NPHP4: variants seen among roughly 807,000 people sequenced by gnomAD.
The protein encoded by NPHP4 is nephrocystin 4, also known as nephrocystin-4.
Under a neutral mutation model 155.8 loss-of-function variants are expected in NPHP4, and 151 were observed. The ratio of observed to expected loss-of-function variants is 0.97; its 90% confidence interval spans 0.85 to 1.11. The LOEUF (loss-of-function observed/expected upper bound fraction) is 1.11, where lower values mean the gene tolerates loss of function less well. Ranked by LOEUF, NPHP4 falls within the 50% of genes least tolerant of loss-of-function variation. The pLI, the probability that NPHP4 is intolerant of heterozygous loss-of-function variation, is 0.00. For missense variants in NPHP4, 1,956 were observed against 1,925.7 expected (o/e 1.02, Z -0.29); for synonymous variants, 845 against 816.8 (o/e 1.03, Z -0.59).
rs939771944 is a variant in NPHP4, at chr1:5,882,352, C to T, written c.2486-2113G>A. The T allele has an allele frequency of 6.7e-6, 1 of 149,798 alleles. No homozygotes were observed. The highest frequency in any genetic ancestry group is 2.4e-5 in the African/African-American group (1 of 40,922). 9.3% of individuals were successfully genotyped at this position (149,798 alleles called of 1,614,324 possible). ...CGCTTACCCAGCCATCTCTCAGTGA[C>T]GCGCTTACCCAGCCATCTCTCAGTG... is the stretch of plus-strand genomic sequence containing the variant. On this transcript the variant is annotated intron_variant, in intron 18 of 29. Coordinates refer to ENST00000378156, the MANE Select transcript of NPHP4 (RefSeq NM_015102.5). This position sits in a 1 kb window ranked among gnomAD's most constrained non-coding sequence, Gnocchi z 5.1.
intron 9 of NPHP4, among the ~76,000 whole-genome samples, chr1:5,934,530 C>A (rs1557771596): frequency 2.0e-5 from 3 of 152,170 alleles, no homozygotes; most frequent in Non-Finnish European, 4.4e-5. Context: ...GCTCCACTTG[C>A]TACGGCTTCC....
At chr1:5,927,890 C>G (rs939718361) in intron 10 of NPHP4, 103 bp from the exon 11 acceptor site, 2 of 1,262,288 alleles carry the variant, frequency 1.6e-6, no homozygotes, top group African/African-American at 3.0e-5. Flanking sequence ...ACAAAGTCTA[C>G]GTGAAATCAG....
intron 19 of NPHP4, among the ~76,000 whole-genome samples, chr1:5,878,582 T>G (rs1047885714): frequency 6.6e-6 from 1 of 152,216 alleles, no homozygotes; most frequent in Non-Finnish European, 1.5e-5. Context: ...CTTCTTAAAA[T>G]TTCGTGCAAC....
rs1640812343 is a variant in NPHP4, at chr1:5,863,176, CAG to C, written c.*87_*88del. On this transcript the variant is annotated 3_prime_UTR_variant, in exon 30 of 30. Coordinates refer to ENST00000378156, the MANE Select transcript of NPHP4 (RefSeq NM_015102.5). ...AGGTGGGCACTGAAGTGAAAGGCTG[CAG>C]AGAGGCGGGGAGGACAGCCTGCAGG... 7.0e-7 allele frequency: 1 copy of C among 1,430,754 alleles called. No homozygotes were observed. The highest frequency in any genetic ancestry group is 2.3e-5 in the East Asian group (1 of 43,968). 88.6% of individuals were successfully genotyped at this position (1,430,754 alleles called of 1,614,324 possible).
chr1:5,888,674 G>T, intron 17 of NPHP4: 1 of 1,226,082 alleles, frequency 8.2e-7, no homozygotes, highest in Non-Finnish European at 1.1e-6. Flanking sequence ...AAGGAAATGC[G>T]AATGAAAACA....
At chr1:5,982,873 C>G (rs1410249102) in intron 2 of NPHP4, among the ~76,000 whole-genome samples, 1 of 152,144 alleles carries the variant, frequency 6.6e-6, no homozygotes, top group Non-Finnish European at 1.5e-5. Context: ...GCACAGTAGT[C>G]GATAAACATA....
At chr1:5,982,961 A>G (rs1654945275) in intron 2 of NPHP4, among the ~76,000 whole-genome samples, 1 of 152,214 alleles carries the variant, frequency 6.6e-6, no homozygotes. Flanking sequence ...TGACTGTTCC[A>G]TATGAACTTG....
Position 5,910,659 on chromosome 1 carries a change from G to A in NPHP4, c.1442-1446C>T, listed in dbSNP as rs1570394251. On this transcript the variant is annotated intron_variant, in intron 11 of 29. Coordinates refer to ENST00000378156, the MANE Select transcript of NPHP4 (RefSeq NM_015102.5). The surrounding 1 kb of genome is among the most constrained non-coding windows in gnomAD (Gnocchi z 5.4). ...AGACTGCTCAGCCACTTCGTGTTCC[G>A]CTCTGAATCCCAAAAAAACAAAAAC... 2.0e-5 allele frequency among the ~76,000 whole-genome samples: 3 copies of A among 152,146 alleles called. No homozygotes were observed. The highest frequency in any genetic ancestry group is 4.4e-5 in the Non-Finnish European group (3 of 68,028).
rs17028863 is a variant in NPHP4 at position 5,892,109 on chromosome 1, G to A, written c.2144-1081C>T. On this transcript the variant is annotated intron_variant, in intron 16 of 29. Coordinates refer to ENST00000378156, the MANE Select transcript of NPHP4 (RefSeq NM_015102.5). The surrounding 1 kb of genome is among the most constrained non-coding windows in gnomAD (Gnocchi z 4.5). The stretch of plus-strand genomic sequence containing the variant: ...AGGAGGAGCTGGTGATTAACATCAC[G>A]CAAGGGCAGGCATGTCCCCAGTGTG... Among the ~76,000 whole-genome samples the A allele has an allele frequency of 0.011, 1,717 of 152,286 alleles. 29 individuals carry two copies. Among genetic ancestry groups the A allele is most frequent in the African/African-American group, 0.039 (1,636 of 41,564 alleles).
chr1:5,965,335 G>C (rs1030649592), intron 5 of NPHP4, among the ~76,000 whole-genome samples: 1 of 152,064 alleles, frequency 6.6e-6, no homozygotes, highest in East Asian at 1.9e-4. Context: ...CCCGCAGCAG[G>C]TTCCTCCTCA....
Position 5,944,778 on chromosome 1 carries a change from TG to T in NPHP4, c.1119+2325del, listed in dbSNP as rs1647001027. Among the ~76,000 whole-genome samples the T allele has an allele frequency of 6.6e-6, 1 of 152,162 alleles. No individual in the cohort carries two copies. Among genetic ancestry groups the T allele is most frequent in the Admixed American group, 6.5e-5 (1 of 15,282 alleles). On this transcript the variant is annotated intron_variant, in intron 9 of 29. Coordinates refer to ENST00000378156, the MANE Select transcript of NPHP4 (RefSeq NM_015102.5). This position sits in a 1 kb window ranked among gnomAD's most constrained non-coding sequence, Gnocchi z 4.3. ...TGAGGTCAGAAGTCTGAGACCTGCC[TG>T]GCCAACGTGGGAAAACCCCGTCTCT...
rs1251410799 is a variant in NPHP4 at position 5,952,692 on chromosome 1, C to A, written c.810+8G>T. ...ACCCTGCCCCCCATCACGCTTCTGA[C>A]TCCACACCTCCTGGAAGTGGTCCTG... On this transcript the variant is annotated splice_region_variant and intron_variant, in intron 7 of 29. Coordinates refer to ENST00000378156, the MANE Select transcript of NPHP4 (RefSeq NM_015102.5). The A allele has an allele frequency of 2.6e-6, 4 of 1,539,238 alleles. No individual in the cohort carries two copies. The highest frequency in any genetic ancestry group is 3.5e-6 in the Non-Finnish European group (4 of 1,139,792).
intron 7 of NPHP4, among the ~76,000 whole-genome samples, chr1:5,950,058 G>A (rs889405735): frequency 2.6e-5 from 4 of 152,116 alleles, no homozygotes; most frequent in Admixed American, 6.5e-5. Context: ...TCTCATGGAG[G>A]CAGATGTTTA....
rs770000513 is a variant in NPHP4, at chr1:5,890,037, C to T, written c.2304+831G>A. Among the ~76,000 whole-genome samples, 16 of 152,020 alleles carry T rather than the reference C, an allele frequency of 1.1e-4. No individual in the cohort carries two copies. Among genetic ancestry groups the T allele is most frequent in the Non-Finnish European group, 2.1e-4 (14 of 68,010 alleles). On this transcript the variant is annotated intron_variant, in intron 17 of 29. Transcript: ENST00000378156. This position sits in a 1 kb window ranked among gnomAD's most constrained non-coding sequence, Gnocchi z 4.9. ...CCATCCCCCCACCCCGAGAGCACAG[C>T]GCAGCTGAAGGAGCAGAGGAGCCGT...
intron 11 of NPHP4, among the ~76,000 whole-genome samples, chr1:5,913,151 CAA>C (rs34163161): frequency 0.049 from 4,027 of 81,792 alleles, 188 homozygotes; most frequent in African/African-American, 0.18. Context: ...GACTCCATCT[CAA>C]AAAAAAAAAA....
At chr1:5,887,580 G>T (rs1025127917) in intron 17 of NPHP4, 114 bp from the exon 18 acceptor site, 4 of 1,158,938 alleles carry the variant, frequency 3.5e-6, no homozygotes, top group Non-Finnish European at 4.9e-6. Flanking sequence ...TGGGCGGGAG[G>T]GGGTGTGCGC....
intron 18 of NPHP4, among the ~76,000 whole-genome samples, chr1:5,884,447 C>A (rs543751380): frequency 6.6e-6 from 1 of 151,976 alleles, no homozygotes; most frequent in African/African-American, 2.4e-5. Flanking sequence ...CCGTCCTACT[C>A]GACAACCAAG....
chr1:5,950,867 A>C (rs1429386262), intron 7 of NPHP4, among the ~76,000 whole-genome samples: 1 of 152,224 alleles, frequency 6.6e-6, no homozygotes, highest in Non-Finnish European at 1.5e-5. Context: ...ATAGCCCAAA[A>C]GTCCATCAAC....
At chr1:5,885,839 G>A (rs895421409) in intron 18 of NPHP4, among the ~76,000 whole-genome samples, 4 of 152,114 alleles carry the variant, frequency 2.6e-5, no homozygotes, top group African/African-American at 7.2e-5. Flanking sequence ...TCCAAAAAAC[G>A]CAGAACTGAC....
Sources: gnomAD v4.1 joint callset for allele counts (sites outside exome capture counted in the v4.1 genomes callset) on GRCh38, gnomAD v4.1.1 for gene constraint, Gnocchi (gnomAD v3.1) non-coding constraint, MANE v1.5 for transcripts, NCBI Gene and HGNC (gene_info 2026-07-23, HGNC 2026-07-21) for gene names.